The following ZPBP variants were observed in gnomAD, a reference collection of about 807,000 sequenced individuals.
ZPBP encodes zona pellucida binding protein, also known as zona pellucida-binding protein 1.
A neutral mutation model predicts 44.8 loss-of-function variants in ZPBP; 26 were observed. The ratio of observed to expected loss-of-function variants is 0.58; its 90% CI spans 0.43 to 0.81. The LOEUF (loss-of-function observed/expected upper bound fraction) is 0.81. ZPBP is among the 30% of genes least tolerant of loss of function. The probability of loss-of-function intolerance (pLI) is 0.00; values close to 1 mark genes in which losing one functional copy is unlikely to be tolerated. For synonymous variants in ZPBP, 174 were observed against 153.2 expected (o/e 1.14, Z -1.00); for missense variants, 409 against 434.0 (o/e 0.94, Z 0.51).
At chr7:49,847,328 T>G (rs1475479790), downstream of ZPBP, among the ~76,000 whole-genome samples, 1 of 151,998 alleles carries the variant, frequency 6.6e-6, no homozygotes, top group East Asian at 1.9e-4. Context: ...AATCCTCTAT[T>G]TCTGAATACT....
intron 2 of ZPBP, among the ~76,000 whole-genome samples, chr7:50,084,889 A>C (rs1802557300): frequency 6.6e-6 from 1 of 152,096 alleles, no homozygotes; most frequent in African/African-American, 2.4e-5. Flanking sequence ...AATTATCAGA[A>C]AAAACATTTC....
chr7:49,880,711 T>C (rs1461450064), intron 2 of ZPBP, among the ~76,000 whole-genome samples: 2 of 151,950 alleles, frequency 1.3e-5, no homozygotes, highest in African/African-American at 4.8e-5. Flanking sequence ...AGGGATAGCA[T>C]TAGGAGATAC....
At chr7:49,886,405 TA>T (rs1254499777) in intron 2 of ZPBP, among the ~76,000 whole-genome samples, 1 of 152,226 alleles carries the variant, frequency 6.6e-6, no homozygotes, top group East Asian at 1.9e-4. Flanking sequence ...CTAATATAGG[TA>T]ATTAAAAATG....
At chr7:50,006,713 A>G (rs535917183) in intron 6 of ZPBP, among the ~76,000 whole-genome samples, 1 of 152,190 alleles carries the variant, frequency 6.6e-6, no homozygotes, top group South Asian at 2.1e-4. Flanking sequence ...TACAGCAGAG[A>G]TAAACAAAAT....
chr7:49,846,484 C>G (rs999882326), downstream of ZPBP, among the ~76,000 whole-genome samples: 1 of 152,180 alleles, frequency 6.6e-6, no homozygotes, highest in African/African-American at 2.4e-5. Flanking sequence ...ATGCCTTTTT[C>G]TGTGCTTGGA....
intron 3 of ZPBP, among the ~76,000 whole-genome samples, chr7:50,063,599 A>AT (rs548614886): frequency 0.033 from 4,857 of 148,810 alleles, 83 homozygotes; most frequent in Middle Eastern, 0.059. Flanking sequence ...CTTGAGAACC[A>AT]TTTTTTTTTT....
chr7:49,932,047 G>A (rs1794464373), intron 1 of ZPBP, among the ~76,000 whole-genome samples: 1 of 152,238 alleles, frequency 6.6e-6, no homozygotes, highest in African/African-American at 2.4e-5. Flanking sequence ...CCTCCGCCTA[G>A]ATTTCAGAGG....
chr7:49,842,444 A>G, the ZPBP span, among the ~76,000 whole-genome samples: 2 of 152,168 alleles, frequency 1.3e-5, no homozygotes, highest in South Asian at 4.1e-4. Context: ...AGTATAGGGG[A>G]GAACCTAAAA....
chr7:50,060,242 A>G (rs1305644312), intron 3 of ZPBP, among the ~76,000 whole-genome samples: 2 of 151,060 alleles, frequency 1.3e-5, no homozygotes, highest in African/African-American at 2.5e-5. Context: ...TGGAACCCAG[A>G]GCATTTGCCA....
At chr7:50,084,932 C>A (rs1802560747) in intron 2 of ZPBP, among the ~76,000 whole-genome samples, 1 of 152,018 alleles carries the variant, frequency 6.6e-6, no homozygotes, top group Admixed American at 6.6e-5. Flanking sequence ...TCAAATACAG[C>A]AATCCAGAAA....
intron 6 of ZPBP, among the ~76,000 whole-genome samples, chr7:49,986,904 C>G (rs1323848071): frequency 1.3e-5 from 2 of 152,154 alleles, no homozygotes; most frequent in Admixed American, 1.3e-4. Flanking sequence ...TAAAGACAGT[C>G]TGGTAAACTG....
chr7:49,863,372 C>T lies in ZPBP; in HGVS notation n.510-12858G>A, dbSNP rs141727028. ...TTCGCCACTCCAGCTAAAGATTTGT[C>T]AGTTTTGTTGATCTTTACAAAGCAC... On this transcript the variant is annotated intron_variant and non_coding_transcript_variant, in intron 2 of 2. Coordinates refer to the ZPBP transcript ENST00000465922. Among the ~76,000 whole-genome samples, 236 of 152,282 alleles carry T rather than the reference C, an allele frequency of 1.5e-3. 3 individuals are homozygous for T. Among genetic ancestry groups the T allele is most frequent in the African/African-American group, 5.4e-3 (226 of 41,558 alleles).
At chr7:50,025,916 C>T (rs1799303609) in intron 5 of ZPBP, among the ~76,000 whole-genome samples, 1 of 151,592 alleles carries the variant, frequency 6.6e-6, no homozygotes, top group African/African-American at 2.4e-5. Flanking sequence ...TTAAAGGCAC[C>T]AATTAAAAGG....
intron 1 of ZPBP, 71 bp from the exon 2 acceptor site, chr7:50,089,780 T>A (rs1802857739): frequency 3.3e-6 from 4 of 1,223,418 alleles, no homozygotes; most frequent in Non-Finnish European, 2.4e-6. Context: ...TATTACAGTA[T>A]CTTTGGTATT....
At chr7:50,086,920 G>A (rs1802687535) in intron 2 of ZPBP, among the ~76,000 whole-genome samples, 2 of 151,940 alleles carry the variant, frequency 1.3e-5, no homozygotes, top group Non-Finnish European at 2.9e-5. Context: ...CATAAACAAG[G>A]AGATAATCTT....
At chr7:50,089,785 G>C (rs773705781) in intron 1 of ZPBP, 76 bp from the exon 2 acceptor site, 11 of 1,184,994 alleles carry the variant, frequency 9.3e-6, no homozygotes, top group African/African-American at 3.0e-5. Context: ...CAGTATCTTT[G>C]GTATTGGTTG....
intron 7 of ZPBP, among the ~76,000 whole-genome samples, chr7:49,955,525 C>T (rs972987569): frequency 7.9e-5 from 12 of 152,018 alleles, no homozygotes; most frequent in Admixed American, 7.9e-4. Flanking sequence ...CCACTGCACT[C>T]CAGCCTGGGC....
chr7:49,924,292 T>G (rs955469258), intron 1 of ZPBP, among the ~76,000 whole-genome samples: 1 of 152,002 alleles, frequency 6.6e-6, no homozygotes, highest in Non-Finnish European at 1.5e-5. Context: ...ATAAAATACA[T>G]AAATACCTGA....
intron 4 of ZPBP, among the ~76,000 whole-genome samples, chr7:50,040,223 T>C (rs1256942523): frequency 1.3e-5 from 2 of 152,328 alleles, no homozygotes; most frequent in East Asian, 3.9e-4. Flanking sequence ...AACTACACTA[T>C]ATATTGTCTA....
Sources: gnomAD v4.1 joint callset for allele counts (sites outside exome capture counted in the v4.1 genomes callset) on GRCh38, gnomAD v4.1.1 for gene constraint, MANE v1.5 for transcripts, NCBI Gene and HGNC (gene_info 2026-07-23, HGNC 2026-07-21) for gene names.